Variants in CARMIL1 observed in about 807,000 individuals in gnomAD.
The protein encoded by CARMIL1 is capping protein regulator and myosin 1 linker 1.
CARMIL1 carries 90 observed loss-of-function variants against 177.1 expected under a neutral mutation model. The observed-to-expected ratio is 0.51, with a 90% CI of 0.43 to 0.61. CARMIL1 has a LOEUF of 0.61. Among genes scored for constraint, CARMIL1 ranks in the 20% least tolerant of loss-of-function variants. The pLI is 0.00. For synonymous variants in CARMIL1, 577 were observed against 606.2 expected (o/e 0.95, Z 0.71); for missense variants, 1,380 against 1,667.0 (o/e 0.83, Z 3.00).
intron 12 of CARMIL1, among the ~76,000 whole-genome samples, chr6:25,484,910 T>G (rs1221955687): frequency 2.6e-5 from 4 of 152,038 alleles, no homozygotes; most frequent in African/African-American, 9.7e-5. Context: ...ATGAATTACA[T>G]CTGTAATTCT....
intron 2 of CARMIL1, among the ~76,000 whole-genome samples, chr6:25,313,715 A>C (rs58094280): frequency 0.13 from 16,786 of 132,492 alleles, 1,918 homozygotes; most frequent in East Asian, 0.29. Flanking sequence ...GAAACCAGAA[A>C]TGGTGTATTT....
At chr6:25,598,303 A>C (rs972508080) in intron 32 of CARMIL1, among the ~76,000 whole-genome samples, 1 of 152,010 alleles carries the variant, frequency 6.6e-6, no homozygotes, top group African/African-American at 2.4e-5. Flanking sequence ...CAGTGGCGTG[A>C]TCATGGCTCA....
intron 8 of CARMIL1, among the ~76,000 whole-genome samples, chr6:25,457,944 C>G (rs1436202101): frequency 6.6e-6 from 1 of 152,160 alleles, no homozygotes; most frequent in Non-Finnish European, 1.5e-5. Context: ...TTCTTTAACA[C>G]TTTCCTGGTA....
intron 2 of CARMIL1, among the ~76,000 whole-genome samples, chr6:25,405,522 A>G (rs1794283121): frequency 6.6e-6 from 1 of 152,222 alleles, no homozygotes; most frequent in Non-Finnish European, 1.5e-5. Context: ...TGCTTACCCT[A>G]CATCCATTGT....
intron 24 of CARMIL1, among the ~76,000 whole-genome samples, 184 bp from the exon 25 acceptor site, chr6:25,537,671 G>A (rs889479483): frequency 2.6e-5 from 4 of 152,182 alleles, no homozygotes; most frequent in African/African-American, 4.8e-5. Flanking sequence ...CATGAATAAA[G>A]TAAATTAATA....
intron 2 of CARMIL1, among the ~76,000 whole-genome samples, chr6:25,318,791 G>C (rs1442818323): frequency 1.3e-5 from 2 of 152,134 alleles, no homozygotes; most frequent in Admixed American, 6.5e-5. Context: ...TGGCTGTCCT[G>C]GGGGGTCTGG....
chr6:25,559,309 C>T (rs558653418), intron 29 of CARMIL1, among the ~76,000 whole-genome samples: 3 of 152,140 alleles, frequency 2.0e-5, no homozygotes, highest in Non-Finnish European at 4.4e-5. Context: ...CAAGCTGTGA[C>T]CCTCATACGA....
intron 13 of CARMIL1, among the ~76,000 whole-genome samples, chr6:25,490,344 G>A (rs1803079984): frequency 6.6e-6 from 1 of 152,138 alleles, no homozygotes; most frequent in Non-Finnish European, 1.5e-5. Flanking sequence ...GAGAGAGAGA[G>A]GCAGAGGATC....
rs1319549791 is a variant in CARMIL1 at position 25,326,091 on chromosome 6, AT to A, written c.138+41185del. On this transcript the variant is annotated intron_variant, in intron 2 of 36. Transcript: ENST00000329474. This position sits in a 1 kb window ranked among gnomAD's most constrained non-coding sequence, Gnocchi z 4.2. ...CACCGTGTTGGCCAGGATGGTGTCGATTTCCTGACCTCGTGATCCGCCCACC... is the reference window on the plus strand; with the variant it reads ...CACCGTGTTGGCCAGGATGGTGTCGATTCCTGACCTCGTGATCCGCCCACC... Among the ~76,000 whole-genome samples the A allele has an allele frequency of 6.6e-6, 1 of 152,028 alleles. No homozygotes were observed. The highest frequency in any genetic ancestry group is 1.5e-5 in the Non-Finnish European group (1 of 68,004).
At chr6:25,517,699 T>C (rs1806149045) in intron 22 of CARMIL1, among the ~76,000 whole-genome samples, 1 of 152,202 alleles carries the variant, frequency 6.6e-6, no homozygotes, top group East Asian at 1.9e-4. Context: ...GTGTGAGACT[T>C]GCCTTGTTTC....
intron 5 of CARMIL1, among the ~76,000 whole-genome samples, chr6:25,445,683 C>T (rs964205609): frequency 1.4e-4 from 22 of 151,844 alleles, no homozygotes; most frequent in South Asian, 2.1e-4. Flanking sequence ...TACAGGTGCC[C>T]GCCACCAGGT....
At chr6:25,394,677 G>A (rs2328881) in intron 2 of CARMIL1, among the ~76,000 whole-genome samples, 20,789 of 152,186 alleles carry the variant, frequency 0.14, 1,650 homozygotes, top group East Asian at 0.32. Context: ...TGAGTTGTTG[G>A]ATTGATGTTT....
At chr6:25,466,085 T>A (rs941384079) in intron 9 of CARMIL1, 137 bp downstream of exon 9, 1 of 630,096 alleles carries the variant, frequency 1.6e-6, no homozygotes, top group South Asian at 2.0e-5. Context: ...TATTTTCCTT[T>A]AAATGATTTG....
At chr6:25,525,651 G>T (rs988640239) in intron 23 of CARMIL1, among the ~76,000 whole-genome samples, 1 of 152,112 alleles carries the variant, frequency 6.6e-6, no homozygotes, top group African/African-American at 2.4e-5. Context: ...CAATGTACTG[G>T]GTGAATGTGG....
intron 36 of CARMIL1, among the ~76,000 whole-genome samples, chr6:25,618,260 GTT>G (rs11371576): frequency 1.4e-5 from 2 of 146,736 alleles, no homozygotes; most frequent in African/African-American, 2.5e-5. Context: ...AGCAAGATAA[GTT>G]TTTTTTTTTT....
At chr6:25,363,913 T>G (rs2150403424) in intron 2 of CARMIL1, among the ~76,000 whole-genome samples, 1 of 152,280 alleles carries the variant, frequency 6.6e-6, no homozygotes, top group Non-Finnish European at 1.5e-5. Context: ...TTTTAGATTT[T>G]TTTCTTCCTT....
At chr6:25,480,275 A>G (rs1486398515) in intron 11 of CARMIL1, among the ~76,000 whole-genome samples, 1 of 152,068 alleles carries the variant, frequency 6.6e-6, no homozygotes, top group East Asian at 1.9e-4. Flanking sequence ...AACTTCCATT[A>G]TTATATATGC....
chr6:25,459,990 G>A (rs1284006302), intron 8 of CARMIL1, among the ~76,000 whole-genome samples: 2 of 152,222 alleles, frequency 1.3e-5, no homozygotes, highest in Non-Finnish European at 2.9e-5. Flanking sequence ...TCATGGACTG[G>A]TGATGGTAAA....
At chr6:25,468,156 G>A (rs1158477275) in intron 9 of CARMIL1, among the ~76,000 whole-genome samples, 2 of 151,780 alleles carry the variant, frequency 1.3e-5, no homozygotes, top group Non-Finnish European at 1.5e-5. Flanking sequence ...TTGATCTTAT[G>A]AAGCAAATTA....
Sources: allele counts gnomAD v4.1 joint callset (sites outside exome capture counted in the v4.1 genomes callset), GRCh38; gene constraint gnomAD v4.1.1; non-coding constraint Gnocchi (gnomAD v3.1); transcripts MANE v1.5; gene names NCBI Gene and HGNC (gene_info 2026-07-23, HGNC 2026-07-21).